ARFGEF3: variants seen among roughly 807,000 people sequenced by gnomAD.
ARFGEF3 encodes the protein brefeldin A-inhibited guanine nucleotide-exchange protein 3.
A neutral mutation model predicts 221.7 loss-of-function variants in ARFGEF3; 96 were observed. The observed-to-expected ratio is 0.43, with a 90% CI of 0.37 to 0.51. The LOEUF (loss-of-function observed/expected upper bound fraction) is 0.51. ARFGEF3 is among the 20% of genes least tolerant of loss of function. The pLI is 0.00. For missense variants in ARFGEF3, 2,410 were observed against 2,789.9 expected, an observed-to-expected ratio of 0.86 and a Z score of 3.07; for synonymous variants, 1,145 against 1,126.8, an observed-to-expected ratio of 1.02 and a Z score of -0.32.
intron 31 of ARFGEF3, among the ~76,000 whole-genome samples, chr6:138,325,946 C>G (rs1045621928): frequency 1.3e-5 from 2 of 151,458 alleles, no homozygotes; most frequent in African/African-American, 4.9e-5. Flanking sequence ...CAACCTCTAC[C>G]TCCAGGTTCA....
rs192626935 is a variant in ARFGEF3 at position 138,220,019 on chromosome 6, C to T, written c.352-9765C>T. Among the ~76,000 whole-genome samples, 15 of 151,144 alleles carry T rather than the reference C, an allele frequency of 9.9e-5. No individual in the cohort carries two copies. The East Asian group carries it at 2.1e-3, about 22-fold the overall frequency. Reference sequence around the variant, plus strand: ...TTATCTTCTCTTTTCTTTTCCTTTTCCTTTCTTTTTTTCTGCAGGGTTTCA... The same window carrying T: ...TTATCTTCTCTTTTCTTTTCCTTTTTCTTTCTTTTTTTCTGCAGGGTTTCA... On this transcript the variant is annotated intron_variant, in intron 4 of 33. Transcript: ENST00000251691.
In ARFGEF3 at chr6:138,321,258, C is replaced by G. The variant is rs565803916; in HGVS notation, c.4766+33C>G. 6 of 1,167,674 alleles carry G rather than the reference C, an allele frequency of 5.1e-6. No individual in the cohort carries two copies. The South Asian group carries it at 5.9e-5, about 11-fold the overall frequency. The allele number at this position is 1,167,674 out of a possible 1,614,324, so 72.3% of individuals were successfully genotyped here. On this transcript the variant is annotated intron_variant, in intron 29 of 33. Transcript: ENST00000251691. ...AATGCTTTCCTGACTCTCCACAAAGCTGGAGTTTTTATTTAAAAATCTAAA... is the reference window on the plus strand; with the variant it reads ...AATGCTTTCCTGACTCTCCACAAAGGTGGAGTTTTTATTTAAAAATCTAAA...
intron 27 of ARFGEF3, among the ~76,000 whole-genome samples, chr6:138,319,307 C>T (rs138328842): frequency 6.1e-4 from 92 of 151,466 alleles, no homozygotes; most frequent in African/African-American, 2.1e-3. Context: ...GTATGCAGAC[C>T]GAAGTTTACA....
chr6:138,161,980 C>A lies in ARFGEF3; in HGVS notation c.-107C>A. ...CGCGCCGGGGCGGCATGGGGGCGCG[C>A]GCGGCGGCCGCCTAGGCGCCCAGGG... On this transcript the variant is annotated 5_prime_UTR_variant, in exon 1 of 34. Coordinates refer to ENST00000251691, the MANE Select transcript of ARFGEF3 (RefSeq NM_020340.5). The A allele has an allele frequency of 2.1e-6, 1 of 477,624 alleles. No individual in the cohort carries two copies. The highest frequency in any genetic ancestry group is 3.1e-6 in the Non-Finnish European group (1 of 318,080). 29.6% of individuals were successfully genotyped at this position (477,624 alleles called of 1,614,324 possible).
At chr6:138,194,709 G>A (rs1240346238) in intron 2 of ARFGEF3, among the ~76,000 whole-genome samples, 3 of 152,132 alleles carry the variant, frequency 2.0e-5, no homozygotes, top group Non-Finnish European at 4.4e-5. Context: ...AAGGCTTTAG[G>A]GAGAGGAAAC....
rs113600885 is a variant in ARFGEF3 at position 138,245,679 on chromosome 6, T to C, written c.665+88T>C. 3.2e-4 allele frequency: 309 copies of C among 977,912 alleles called. 1 individual carries two copies. The African/African-American group carries it at 4.3e-3, about 14-fold the overall frequency. The allele number at this position is 977,912 out of a possible 1,614,324, so 60.6% of individuals were successfully genotyped here. ...CTGCAGCATCACTTCAAATTATGGA[T>C]TGTAAGATTATAGGGACAATAGTTT... On this transcript the variant is annotated intron_variant, in intron 8 of 33. Coordinates refer to ENST00000251691, the MANE Select transcript of ARFGEF3 (RefSeq NM_020340.5).
intron 6 of ARFGEF3, among the ~76,000 whole-genome samples, chr6:138,241,224 G>A (rs2114552456): frequency 1.3e-5 from 2 of 152,258 alleles, no homozygotes; most frequent in South Asian, 4.1e-4. Context: ...ACTAAAATCT[G>A]TTTGATTCCA....
At chr6:138,319,952 G>A (rs775414731) in intron 28 of ARFGEF3, 73 bp downstream of exon 28, 339 of 1,247,864 alleles carry the variant, frequency 2.7e-4, no homozygotes, top group Non-Finnish European at 3.7e-4. Context: ...AAACGGTGTA[G>A]TAAATACCTA....
chr6:138,264,965 G>A (rs1251681817), intron 12 of ARFGEF3, among the ~76,000 whole-genome samples: 1 of 148,618 alleles, frequency 6.7e-6, no homozygotes, highest in Non-Finnish European at 1.5e-5. Flanking sequence ...GTCCAGTGGT[G>A]CAATCTCGGC....
rs371060277 is a variant in ARFGEF3, at chr6:138,342,908, G to C, written c.*6422G>C. The C allele has an allele frequency of 6.6e-6, 1 of 152,168 alleles. No individual in the cohort carries two copies. The highest frequency in any genetic ancestry group is 1.5e-5 in the Non-Finnish European group (1 of 68,030). The allele number at this position is 152,168 out of a possible 1,614,324, so 9.4% of individuals were successfully genotyped here. On this transcript the variant is annotated 3_prime_UTR_variant, in exon 34 of 34. Coordinates refer to ENST00000251691, the MANE Select transcript of ARFGEF3 (RefSeq NM_020340.5). ...CTACCCAAAGGCTTCACGGAAATTT[G>C]CAAAATGAACTAATTCCCTTTTAAG...
chr6:138,335,248 C>A lies in ARFGEF3; in HGVS notation c.6342+60C>A, dbSNP rs73776903. 12 of 1,453,742 alleles carry A rather than the reference C, an allele frequency of 8.3e-6. No homozygotes were observed. In the Admixed American group the frequency reaches 1.0e-4, roughly 12 times the overall value. The allele number at this position is 1,453,742 out of a possible 1,614,324, so 90.1% of individuals were successfully genotyped here. ...GCTGGGTTTCCAGTACTGGATGGGC[C>A]CCCCCTTGCAGAGCAGGCATACACA... On this transcript the variant is annotated intron_variant, in intron 33 of 33. Coordinates refer to ENST00000251691, the MANE Select transcript of ARFGEF3 (RefSeq NM_020340.5).
At chr6:138,282,186 C>G (rs1013900470) in intron 14 of ARFGEF3, among the ~76,000 whole-genome samples, 1 of 152,176 alleles carries the variant, frequency 6.6e-6, no homozygotes, top group African/African-American at 2.4e-5. Flanking sequence ...AACTCCTGAC[C>G]TCAGGTGATC....
Position 138,334,310 on chromosome 6 carries a change from G to A in ARFGEF3, c.5464G>A (p.Val1822Met), listed in dbSNP as rs1270457112. The A allele has an allele frequency of 6.2e-7, 1 of 1,613,864 alleles. No homozygotes were observed. The highest frequency in any genetic ancestry group is 1.1e-5 in the South Asian group (1 of 91,028). ...MSFNIYFHAL[V>M]CAVLTNQETI... is the part of the protein sequence containing the mutation. ...CTTTAACATTTATTTCCACGCCCTG[G>A]TGTGTGCTGTTCTCACCAATCAAGA... The change falls in exon 33 of 34, where the codon GTG becomes ATG. Residue 1822 changes from valine to methionine, a missense_variant. By Grantham distance (21) the Val-to-Met change is conservative (BLOSUM62 1). Around this residue, in one of 5 missense-constraint regions of ARFGEF3, gnomAD observed 723 missense variants for 991.9 expected, o/e 0.73. Transcript: ENST00000251691. The surrounding 1 kb of genome is among the most constrained non-coding windows in gnomAD (Gnocchi z 5.1).
intron 10 of ARFGEF3, among the ~76,000 whole-genome samples, chr6:138,258,729 G>C (rs560228802): frequency 2.6e-5 from 4 of 152,166 alleles, no homozygotes; most frequent in Non-Finnish European, 5.9e-5. Flanking sequence ...ATCAGAATAA[G>C]TGTTTAGTAA....
At chr6:138,260,521 T>G (rs1012346154) in intron 10 of ARFGEF3, among the ~76,000 whole-genome samples, 2 of 152,136 alleles carry the variant, frequency 1.3e-5, no homozygotes, top group African/African-American at 4.8e-5. Context: ...TATGAAAACT[T>G]GTGAGAAGAA....
chr6:138,204,594 G>A (rs992742341), intron 2 of ARFGEF3, among the ~76,000 whole-genome samples: 6 of 152,122 alleles, frequency 3.9e-5, no homozygotes, highest in African/African-American at 1.4e-4. Flanking sequence ...GGAATGCATG[G>A]TCTAAAATAT....
intron 2 of ARFGEF3, among the ~76,000 whole-genome samples, chr6:138,174,411 G>A (rs1031884592): frequency 7.1e-5 from 9 of 127,260 alleles, no homozygotes; most frequent in East Asian, 5.3e-4. Context: ...AACCAGGAGA[G>A]CATTTACTCT....
In ARFGEF3 at chr6:138,318,840, A is replaced by G. The variant is rs978887991; in HGVS notation, c.4475-863A>G. On this transcript the variant is annotated intron_variant, in intron 27 of 33. Coordinates refer to ENST00000251691, the MANE Select transcript of ARFGEF3 (RefSeq NM_020340.5). ...AGTCTATAAAACAAAAAAATTAGAAACACCTTAAATATTCATCAGTAAGGA... is the reference window on the plus strand; with the variant it reads ...AGTCTATAAAACAAAAAAATTAGAAGCACCTTAAATATTCATCAGTAAGGA... Among the ~76,000 whole-genome samples, 7 of 152,236 alleles carry G rather than the reference A, an allele frequency of 4.6e-5. No individual in the cohort carries two copies. In the South Asian group the frequency reaches 6.2e-4, roughly 13 times the overall value.
intron 4 of ARFGEF3, among the ~76,000 whole-genome samples, chr6:138,225,252 A>T (rs578135937): frequency 7.8e-4 from 119 of 152,344 alleles, no homozygotes; most frequent in African/African-American, 2.8e-3. Context: ...TATGTGTGAA[A>T]CACTTAACAT....
Sources: allele counts gnomAD v4.1 joint callset (sites outside exome capture counted in the v4.1 genomes callset), GRCh38; gene constraint gnomAD v4.1.1; regional missense constraint gnomAD v4.1.1; non-coding constraint Gnocchi (gnomAD v3.1); transcripts MANE v1.5; gene names NCBI Gene and HGNC (gene_info 2026-07-23, HGNC 2026-07-21).